Variants in SLC45A2 observed in about 807,000 individuals in gnomAD.
SLC45A2 encodes membrane-associated transporter protein.
In SLC45A2, 36 loss-of-function variants were observed where a neutral mutation model predicts 45.5. That is an observed-to-expected ratio of 0.79 (90% CI 0.61 to 1.04). The LOEUF is 1.04. SLC45A2 is among the 50% of genes least tolerant of loss of function. The pLI, the probability that SLC45A2 is intolerant of heterozygous loss-of-function variation, is 0.00. For synonymous variants in SLC45A2, 306 were observed against 269.3 expected (o/e 1.14, Z -1.33); for missense variants, 719 against 671.0 (o/e 1.07, Z -0.79).
At chr5:33,961,722 G>C (rs7444256) in intron 3 of SLC45A2, among the ~76,000 whole-genome samples, 150,074 of 152,328 alleles carry the variant, frequency 0.99, 73,968 homozygotes, top group East Asian at 1. Flanking sequence ...GATCGACAGC[G>C]CTGAATGCTG....
At chr5:33,970,631 C>G (rs1344175622) in intron 2 of SLC45A2, among the ~76,000 whole-genome samples, 1 of 152,088 alleles carries the variant, frequency 6.6e-6, no homozygotes, top group Non-Finnish European at 1.5e-5. Flanking sequence ...AGCTGTGTGA[C>G]CTTGGGTTAG....
At chr5:33,982,110 C>T (rs968348417) in intron 2 of SLC45A2, 126 bp downstream of exon 2, 12 of 1,042,268 alleles carry the variant, frequency 1.2e-5, no homozygotes, top group Admixed American at 5.4e-5. Context: ...GCCCGCATGA[C>T]GGGAGCAGCC....
rs781046827 is a variant in SLC45A2 at position 33,984,610 on chromosome 5, G to T, written c.-27C>A. On this transcript the variant is annotated 5_prime_UTR_variant, in exon 1 of 7. Transcript: ENST00000296589. ...GCCACTGGGAGAGGAACCTTCCTGC[G>T]AGCCCACCACCTCCTGCGTGGTCCT... 1.4e-5 allele frequency: 23 copies of T among 1,605,382 alleles called. No individual in the cohort carries two copies. In the South Asian group the frequency reaches 2.1e-4, roughly 15 times the overall value.
chr5:33,963,136 C>G (rs2111959501), intron 3 of SLC45A2, among the ~76,000 whole-genome samples: 1 of 152,248 alleles, frequency 6.6e-6, no homozygotes, highest in African/African-American at 2.4e-5. Flanking sequence ...CTATATTGCT[C>G]AGCTTAATTC....
chr5:33,964,123 G>T (rs1259528059), intron 2 of SLC45A2, 107 bp from the exon 3 acceptor site: 11 of 1,119,916 alleles, frequency 9.8e-6, no homozygotes, highest in Non-Finnish European at 1.5e-5. Context: ...GACAGCAGAG[G>T]CAACCTGGAT....
At position 33,978,205 on chromosome 5, in the gene SLC45A2, T is replaced by C. The variant is rs545073991; in HGVS notation, c.562+4031A>G. Among the ~76,000 whole-genome samples, 6 of 152,314 alleles carry C rather than the reference T, an allele frequency of 3.9e-5. No homozygotes were observed. In the South Asian group the frequency reaches 8.3e-4, roughly 21 times the overall value. On this transcript the variant is annotated intron_variant, in intron 2 of 6. Coordinates refer to ENST00000296589, the MANE Select transcript of SLC45A2 (RefSeq NM_016180.5). ...GAATTAACCAGCATTAACATTAAAA[T>C]AGAGATCTTAAGACTGCCATACAAA...
intron 3 of SLC45A2, 50 bp from the exon 4 acceptor site, chr5:33,954,554 C>G: frequency 6.2e-7 from 1 of 1,610,496 alleles, no homozygotes; most frequent in South Asian, 1.1e-5. Context: ...AGAAACTCAG[C>G]CAGCTAAGGG....
chr5:33,955,150 G>A (rs1752237820), intron 3 of SLC45A2, among the ~76,000 whole-genome samples: 1 of 152,164 alleles, frequency 6.6e-6, no homozygotes, highest in Non-Finnish European at 1.5e-5. Flanking sequence ...AGAAATGTCT[G>A]CTTTGAAGGT....
At position 33,951,663 on chromosome 5, in the gene SLC45A2, C is replaced by T. The variant is rs1040481557; in HGVS notation, c.1047G>A (p.Gly349=). The change falls in exon 5 of 7, where the codon GGG becomes GGA. Residue 349 remains glycine, a synonymous_variant. Transcript: ENST00000296589. ...TGGAGTTGTGTGCACTATAGGGATC[C>T]CCGCGGTACACAATCTGAAAGAGAG... is the stretch of plus-strand genomic sequence containing the variant. ...TDFMGQIVYR[G]DPYSAHNSTE... is the part of the protein sequence containing the mutation. The T allele has an allele frequency of 6.2e-7, 1 of 1,614,122 alleles. No individual in the cohort carries two copies. Among genetic ancestry groups the T allele is most frequent in the Non-Finnish European group, 8.5e-7 (1 of 1,180,002 alleles).
At chr5:33,961,251 A>G (rs1164623455) in intron 3 of SLC45A2, among the ~76,000 whole-genome samples, 7 of 152,112 alleles carry the variant, frequency 4.6e-5, no homozygotes, top group South Asian at 2.1e-4. Flanking sequence ...AAAACAAAAA[A>G]CCAACCAAAA....
intron 3 of SLC45A2, 86 bp downstream of exon 3, chr5:33,963,605 A>G (rs571793228): frequency 1.2e-4 from 179 of 1,466,504 alleles, no homozygotes; most frequent in South Asian, 7.5e-4. Context: ...CTCGTCAAAC[A>G]GACAAAACAA....
chr5:33,958,880 T>G (rs1320411897), intron 3 of SLC45A2, among the ~76,000 whole-genome samples: 1 of 152,176 alleles, frequency 6.6e-6, no homozygotes, highest in Non-Finnish European at 1.5e-5. Context: ...ACGACCCCTG[T>G]CCTATGCGAC....
At chr5:33,961,690 A>C (rs1222409984) in intron 3 of SLC45A2, among the ~76,000 whole-genome samples, 2 of 152,148 alleles carry the variant, frequency 1.3e-5, no homozygotes, top group Non-Finnish European at 2.9e-5. Flanking sequence ...CGTTTGGGTC[A>C]CCTACCAGAG....
intron 4 of SLC45A2, among the ~76,000 whole-genome samples, chr5:33,953,239 T>G (rs896674796): frequency 7.4e-6 from 1 of 135,456 alleles, no homozygotes; most frequent in African/African-American, 2.8e-5. Flanking sequence ...CAAATGGTAT[T>G]TCTAGTTCTA....
chr5:33,949,117 T>G (rs937564266), intron 5 of SLC45A2, among the ~76,000 whole-genome samples: 2 of 152,252 alleles, frequency 1.3e-5, no homozygotes, highest in African/African-American at 4.8e-5. Context: ...GTTGTTCTAA[T>G]TGGTATACCT....
At chr5:33,979,897 G>C (rs1753027007) in intron 2 of SLC45A2, among the ~76,000 whole-genome samples, 1 of 152,004 alleles carries the variant, frequency 6.6e-6, no homozygotes, top group South Asian at 2.1e-4. Context: ...ATCATGTATT[G>C]GCCTTGGAAA....
chr5:33,944,796 A>C lies in SLC45A2; in HGVS notation c.1445T>G (p.Met482Arg). The change falls in exon 7 of 7, where the codon ATG becomes AGG. Residue 482 changes from methionine (M) to arginine (R), a missense_variant. Transcript: ENST00000296589. ...GACCAGGATCTGAGCCAGCTGCACC[A>C]TGCATGTGAGGGTGGCGCAGTCCAT... ...KGMDCATLTC[M>R]VQLAQILVGG... The C allele has an allele frequency of 6.2e-7, 1 of 1,614,164 alleles. No individual in the cohort carries two copies.
At chr5:33,970,146 C>T (rs1752737171) in intron 2 of SLC45A2, among the ~76,000 whole-genome samples, 1 of 152,214 alleles carries the variant, frequency 6.6e-6, no homozygotes, top group Non-Finnish European at 1.5e-5. Context: ...TCTCGGTCCC[C>T]ACCTGCCTCC....
rs548358132 is a variant in SLC45A2 at position 33,945,891 on chromosome 5, A to C, written c.1369-1019T>G. ...TTTACATTTGCTTGGTTTTTATTTA[A>C]AAATGCCGGAAAGATTAACAAAAAA... On this transcript the variant is annotated intron_variant, in intron 6 of 6. Coordinates refer to ENST00000296589, the MANE Select transcript of SLC45A2 (RefSeq NM_016180.5). 389 of 884,232 alleles carry C rather than the reference A, an allele frequency of 4.4e-4. 4 individuals are homozygous for C. The South Asian group carries it at 0.018, about 41-fold the overall frequency. The allele number at this position is 884,232 out of a possible 1,614,324, so 54.8% of individuals were successfully genotyped here. A position where few individuals can be genotyped will look rare whatever the true frequency, so the allele number is the denominator to read the frequency against.
Sources: gnomAD v4.1 joint callset for allele counts (sites outside exome capture counted in the v4.1 genomes callset) on GRCh38, gnomAD v4.1.1 for gene constraint, MANE v1.5 for transcripts, NCBI Gene and HGNC (gene_info 2026-07-23, HGNC 2026-07-21) for gene names.